FAM217A: variants seen among roughly 807,000 people sequenced by gnomAD.
The protein encoded by FAM217A is protein FAM217A.
FAM217A carries 13 observed loss-of-function variants against 18.5 expected under a neutral mutation model. That is an observed-to-expected ratio of 0.70 (90% CI 0.46 to 1.12). The LOEUF (loss-of-function observed/expected upper bound fraction) is 1.12. FAM217A is among the 50% of genes most tolerant of loss of function. FAM217A has a pLI of 0.00. For missense variants in FAM217A, 560 were observed against 575.4 expected (o/e 0.97, Z 0.27); for synonymous variants, 161 against 202.8 (o/e 0.79, Z 1.75).
Position 4,068,814 on chromosome 6 carries a change from T to C in FAM217A, c.1409A>G (p.Lys470Arg), listed in dbSNP as rs148412142. Reference sequence around the variant, plus strand: ...CACTATATTTTGTCGGTAAAGTTTCTTTTTGGTCCCAAAGTTTCTCTTCGG... The same window carrying C: ...CACTATATTTTGTCGGTAAAGTTTCCTTTTGGTCCCAAAGTTTCTCTTCGG... ...KAPKRNFGTK[K>R]KLYRQNIVLN... The change falls in exon 7 of 7, where the codon AAG (lysine) becomes AGG (arginine). Residue 470 changes from lysine (K) to arginine (R), a missense_variant. Transcript: ENST00000274673. The C allele has an allele frequency of 1.2e-6, 2 of 1,614,178 alleles. No individual in the cohort carries two copies. The highest frequency in any genetic ancestry group is 1.7e-6 in the Non-Finnish European group (2 of 1,180,000).
At chr6:4,081,704 G>C (rs1770310644), upstream of FAM217A, among the ~76,000 whole-genome samples, 1 of 152,204 alleles carries the variant, frequency 6.6e-6, no homozygotes, top group Admixed American at 6.5e-5. Flanking sequence ...TTGCGAATGG[G>C]AGTAAATATT....
chr6:4,073,643 ATT>A, intron 4 of FAM217A, 136 bp from the exon 5 acceptor site: 1 of 639,230 alleles, frequency 1.6e-6, no homozygotes, highest in Non-Finnish European at 2.5e-6. Flanking sequence ...CAAAGAAATC[ATT>A]TGTTTTTACT....
At chr6:4,079,619 G>GGCCC, upstream of FAM217A, 1 of 1,281,920 alleles carries the variant, frequency 7.8e-7, no homozygotes, top group Non-Finnish European at 1.0e-6. Context: ...CCGGGGCCCG[G>GGCCC]CCCACCCGCC....
In FAM217A at chr6:4,068,716, A is replaced by C. The variant is rs141691461; in HGVS notation, c.1507T>G (p.Ser503Ala). Residue 503 changes from serine (S) to alanine (A), a missense_variant, in exon 7 of 7, where the codon TCA (serine) becomes GCA (alanine). Transcript: ENST00000274673. ...AAGAGTTATTTTTGTTCAATGGGTGAGCAGCACTTATCCTTAGCAATAAGG... is the reference window on the plus strand; with the variant it reads ...AAGAGTTATTTTTGTTCAATGGGTGCGCAGCACTTATCCTTAGCAATAAGG... ...PSLIAKDKCC[S>A]PIEQK The C allele has an allele frequency of 1.2e-6, 2 of 1,606,192 alleles. No individual in the cohort carries two copies. The highest frequency in any genetic ancestry group is 2.2e-5 in the South Asian group (2 of 89,332).
chr6:4,070,958 T>C (rs562926594), intron 6 of FAM217A, among the ~76,000 whole-genome samples: 137 of 149,692 alleles, frequency 9.2e-4, no homozygotes, highest in African/African-American at 3.2e-3. Context: ...ACTGCACCAC[T>C]ACACCCCAGC....
chr6:4,078,245 G>A (rs1769990414), intron 1 of FAM217A, among the ~76,000 whole-genome samples: 1 of 151,786 alleles, frequency 6.6e-6, no homozygotes, highest in Non-Finnish European at 1.5e-5. Context: ...GTAGAGATGG[G>A]GTTTCACCAT....
rs749034246 is a variant in FAM217A, at chr6:4,073,438, T to A, written c.229A>T (p.Thr77Ser). Residue 77 changes from threonine to serine, a missense_variant, in exon 5 of 7, where the codon ACA becomes TCA. Coordinates refer to ENST00000274673, the MANE Select transcript of FAM217A (RefSeq NM_173563.3). ...TATGAAGAATAAAATCCCACCTGTG[T>A]ACTTTTTTGACTATGCACCGACAAA... is the stretch of plus-strand genomic sequence containing the variant. ...PNLSVHSQKS[T>S]QNSKQGIFQL... is the part of the protein sequence containing the mutation. 6 of 1,612,730 alleles carry A rather than the reference T, an allele frequency of 3.7e-6. No homozygotes were observed. Among genetic ancestry groups the A allele is most frequent in the South Asian group, 3.3e-5 (3 of 90,750 alleles).
At chr6:4,079,650 C>T (rs1470351619), upstream of FAM217A, 6 of 1,287,998 alleles carry the variant, frequency 4.7e-6, no homozygotes, top group Non-Finnish European at 4.0e-6. Flanking sequence ...ATTCCCACCG[C>T]CTGCTCACAT....
rs10485172 is a variant in FAM217A at position 4,068,899 on chromosome 6, T to A, written c.1324A>T (p.Met442Leu). The stretch of plus-strand genomic sequence containing the variant: ...GTCAGAGGTATAGGTGAAACTGGCA[T>A]TGGAGACCTCCATGGCAGACATCTT... ...STRCLPWRSP[M>L]PVSPIPLTFP... The change falls in exon 7 of 7, where the codon ATG becomes TTG. Residue 442 changes from methionine to leucine, a missense_variant. Coordinates refer to ENST00000274673, the MANE Select transcript of FAM217A (RefSeq NM_173563.3). 1,167 of 1,614,066 alleles carry A rather than the reference T, an allele frequency of 7.2e-4. 5 individuals are homozygous for A. Among genetic ancestry groups the A allele is most frequent in the Admixed American group, 6.8e-4 (41 of 60,012 alleles).
chr6:4,077,249 G>T, intron 2 of FAM217A, 106 bp downstream of exon 2: 1 of 1,076,062 alleles, frequency 9.3e-7, no homozygotes, highest in Non-Finnish European at 1.4e-6. Flanking sequence ...AACTGCCCAC[G>T]ATGCAAACGC....
At chr6:4,079,619 G>GGCCCCCC, upstream of FAM217A, 2 of 1,281,920 alleles carry the variant, frequency 1.6e-6, no homozygotes, top group Non-Finnish European at 2.0e-6. Context: ...CCGGGGCCCG[G>GGCCCCCC]CCCACCCGCC....
rs1561928270 is a variant in FAM217A, at chr6:4,078,948, G to A, written c.-131C>T. On this transcript the variant is annotated 5_prime_UTR_variant, in exon 1 of 7. Coordinates refer to ENST00000274673, the MANE Select transcript of FAM217A (RefSeq NM_173563.3). ...GTGCGTGGCTGACGGCTTGGAGGGC[G>A]CCCCCTCTGCCGCGGCCTTCCTGCA... The A allele has an allele frequency of 1.6e-5, 9 of 550,304 alleles. No individual in the cohort carries two copies. The highest frequency in any genetic ancestry group is 6.6e-5 in the South Asian group (3 of 45,504). The allele number at this position is 550,304 out of a possible 1,614,324, so 34.1% of individuals were successfully genotyped here. A position where few individuals can be genotyped will look rare whatever the true frequency, so the allele number is the denominator to read the frequency against.
At chr6:4,079,514 T>C (rs935591383), upstream of FAM217A, 1 of 872,262 alleles carries the variant, frequency 1.1e-6, no homozygotes, top group Admixed American at 3.1e-5. Flanking sequence ...TCGGGCTTCC[T>C]TGACCCTCCC....
exon 2 of FAM217A, chr6:4,084,776 GGAA>G (rs1332574839): frequency 1.4e-6 from 1 of 702,824 alleles, no homozygotes; most frequent in East Asian, 2.7e-5. Flanking sequence ...ATGGCGAGGG[GGAA>G]GAAGAAGGTA....
exon 2 of FAM217A, chr6:4,084,786 G>C: frequency 1.4e-6 from 1 of 702,954 alleles, no homozygotes; most frequent in Non-Finnish European, 2.6e-6. Flanking sequence ...GGAAGAAGAA[G>C]GTATTCAGGA....
chr6:4,078,407 A>G (rs1460212609), intron 1 of FAM217A, among the ~76,000 whole-genome samples: 1 of 152,170 alleles, frequency 6.6e-6, no homozygotes, highest in African/African-American at 2.4e-5. Context: ...ATCGTTTACA[A>G]TTGATTGTCT....
At chr6:4,085,944 T>C (rs772997234) in intron 1 of FAM217A, among the ~76,000 whole-genome samples, 4 of 151,712 alleles carry the variant, frequency 2.6e-5, no homozygotes, top group Non-Finnish European at 5.9e-5. Flanking sequence ...ACCCTGTCTC[T>C]ACAAAAGAAA....
chr6:4,078,049 CT>C (rs10600748), intron 1 of FAM217A, among the ~76,000 whole-genome samples: 14,188 of 113,734 alleles, frequency 0.12, 587 homozygotes, highest in East Asian at 0.27. Context: ...GAAAGAATCA[CT>C]TTTTTTTTTT....
chr6:4,085,062 G>T (rs1770556643), intron 1 of FAM217A, among the ~76,000 whole-genome samples: 1 of 152,108 alleles, frequency 6.6e-6, no homozygotes, highest in Non-Finnish European at 1.5e-5. Flanking sequence ...CTGAATAATA[G>T]AATTGGAAAT....
Sources: allele counts gnomAD v4.1 joint callset (sites outside exome capture counted in the v4.1 genomes callset), GRCh38; gene constraint gnomAD v4.1.1; transcripts MANE v1.5; gene names NCBI Gene and HGNC (gene_info 2026-07-23, HGNC 2026-07-21).